The following EMC1 variants were observed in gnomAD, a reference collection of about 807,000 sequenced individuals.
The protein encoded by EMC1 is ER membrane protein complex subunit 1.
EMC1 carries 103 observed loss-of-function variants against 128.8 expected under a neutral mutation model. That is an observed-to-expected ratio of 0.80 (90% CI 0.68 to 0.94). The LOEUF (loss-of-function observed/expected upper bound fraction) is 0.94. Among genes scored for constraint, EMC1 ranks in the 40% least tolerant of loss-of-function variants. The probability of loss-of-function intolerance (pLI) is 0.00; values close to 1 mark genes in which losing one functional copy is unlikely to be tolerated. For synonymous variants in EMC1, 442 were observed against 490.4 expected (o/e 0.90, Z 1.30); for missense variants, 1,083 against 1,250.6 (o/e 0.87, Z 2.02).
Position 19,217,262 on chromosome 1 carries a change from A to G in EMC1, c.*2041T>C, listed in dbSNP as rs2093401996. ...GGCATTAGCATTAACTATTTTAAGC[A>G]CTTGGCCAAGCTCGGTGGCTCACAC... On this transcript the variant is annotated 3_prime_UTR_variant, in exon 23 of 23. Transcript: ENST00000477853. 6.6e-6 allele frequency: 1 copy of G among 152,192 alleles called. No homozygotes were observed. The allele number at this position is 152,192 out of a possible 1,614,324, so 9.4% of individuals were successfully genotyped here. A position where few individuals can be genotyped will look rare whatever the true frequency, so the allele number is the denominator to read the frequency against.
intron 12 of EMC1, among the ~76,000 whole-genome samples, chr1:19,236,581 G>C (rs1291442935): frequency 1.3e-5 from 2 of 150,886 alleles, no homozygotes; most frequent in Non-Finnish European, 2.9e-5. Context: ...ACTTAAACCT[G>C]GGAGGCAGAG....
chr1:19,221,131 T>G, intron 20 of EMC1: 1 of 245,830 alleles, frequency 4.1e-6, no homozygotes, highest in Non-Finnish European at 7.9e-6. Context: ...AGAAGGCCAC[T>G]TGGATTTCCT....
At chr1:19,229,678 T>C (rs1202300079) in intron 17 of EMC1, among the ~76,000 whole-genome samples, 1 of 152,232 alleles carries the variant, frequency 6.6e-6, no homozygotes, top group Non-Finnish European at 1.5e-5. Context: ...CAGTGCTGTT[T>C]ATGCTAAGGT....
intron 18 of EMC1, among the ~76,000 whole-genome samples, chr1:19,225,352 A>G (rs1394511163): frequency 7.9e-5 from 12 of 152,146 alleles, no homozygotes; most frequent in Admixed American, 7.9e-4. Flanking sequence ...CCCCATCTCT[A>G]AAGAAAATAA....
rs753885274 is a variant in EMC1 at position 19,219,288 on chromosome 1, C to A, written c.*15G>T. 1 of 1,613,832 alleles carries A rather than the reference C, an allele frequency of 6.2e-7. No homozygotes were observed. Among genetic ancestry groups the A allele is most frequent in the Non-Finnish European group, 8.5e-7 (1 of 1,179,906 alleles). On this transcript the variant is annotated 3_prime_UTR_variant, in exon 23 of 23. Coordinates refer to ENST00000477853, the MANE Select transcript of EMC1 (RefSeq NM_015047.3). ...ACTCCCCTGGCTCTCCACTTTTAGG[C>A]ACAGTCTTTGTTCTTTATCGCCAGG...
chr1:19,233,757 C>G (rs987580992), intron 13 of EMC1, among the ~76,000 whole-genome samples: 1 of 152,220 alleles, frequency 6.6e-6, no homozygotes, highest in Non-Finnish European at 1.5e-5. Context: ...AGAGCATGGT[C>G]TCTGGAATCT....
At chr1:19,219,539 TGAAA>T (rs1273685059) in intron 22 of EMC1, 26 bp downstream of exon 22, 4 of 1,613,366 alleles carry the variant, frequency 2.5e-6, no homozygotes, top group Admixed American at 1.7e-5. Context: ...CCACCAAGGG[TGAAA>T]TAGGGCAGCT....
At chr1:19,234,098 A>G in intron 13 of EMC1, 3 of 777,094 alleles carry the variant, frequency 3.9e-6, no homozygotes, top group Non-Finnish European at 4.7e-6. Context: ...TCATTGGTCC[A>G]AGTTAGGAAG....
intron 5 of EMC1, among the ~76,000 whole-genome samples, chr1:19,241,696 T>C (rs1449052958): frequency 1.3e-5 from 2 of 151,950 alleles, no homozygotes; most frequent in Admixed American, 6.6e-5. Flanking sequence ...TTTGTACTTT[T>C]TGTAGAGATG....
rs1278676397 is a variant in EMC1 at position 19,245,874 on chromosome 1, G to A, written c.96-844C>T. Among the ~76,000 whole-genome samples, 13 of 151,280 alleles carry A rather than the reference G, an allele frequency of 8.6e-5. No homozygotes were observed. The East Asian group carries it at 1.2e-3, about 14-fold the overall frequency. On this transcript the variant is annotated intron_variant, in intron 1 of 22. Transcript: ENST00000477853. ...ACTCCTGACCTCAACTGACCCACCC[G>A]CCTCGGCCTTCCAAAGTGTTGGGAT...
intron 13 of EMC1, among the ~76,000 whole-genome samples, chr1:19,233,973 C>T (rs1016987783): frequency 6.6e-6 from 1 of 152,106 alleles, no homozygotes; most frequent in African/African-American, 2.4e-5. Flanking sequence ...GGAGCAGAAC[C>T]TCTGCTTATC....
intron 15 of EMC1, 125 bp from the exon 16 acceptor site, chr1:19,231,547 G>A: frequency 2.0e-6 from 2 of 1,013,748 alleles, no homozygotes; most frequent in Non-Finnish European, 2.8e-6. Flanking sequence ...CCTCTTTGTG[G>A]AAAATAAGTT....
intron 5 of EMC1, 46 bp downstream of exon 5, chr1:19,242,299 A>C: frequency 6.2e-7 from 1 of 1,609,188 alleles, no homozygotes; most frequent in Non-Finnish European, 8.5e-7. Context: ...AGGAGCTCCT[A>C]GAGAGTAGAA....
In EMC1 at chr1:19,234,148, C is replaced by T. The variant is rs1052294777; in HGVS notation, c.1432+982G>A. ...AAAAGCTAGCCATGTGAGCAGGCAACGAGCAACAAGGCAGCAAGAAGCAGG... is the reference window on the plus strand; with the variant it reads ...AAAAGCTAGCCATGTGAGCAGGCAATGAGCAACAAGGCAGCAAGAAGCAGG... On this transcript the variant is annotated intron_variant, in intron 13 of 22. Transcript: ENST00000477853. The T allele has an allele frequency of 5.7e-5, 56 of 983,876 alleles. No individual in the cohort carries two copies. In the African/African-American group the frequency reaches 8.7e-4, roughly 15 times the overall value. 60.9% of individuals were successfully genotyped at this position (983,876 alleles called of 1,614,324 possible).
chr1:19,244,610 C>G (rs2093623354), intron 2 of EMC1: 1 of 298,992 alleles, frequency 3.3e-6, no homozygotes, highest in African/African-American at 2.2e-5. Context: ...TCACTGTGAT[C>G]CCCAGGCTGG....
chr1:19,249,001 T>G (rs2093644649), intron 1 of EMC1, among the ~76,000 whole-genome samples: 1 of 152,124 alleles, frequency 6.6e-6, no homozygotes, highest in South Asian at 2.1e-4. Context: ...AATATCTGCC[T>G]GGGGAACATA....
intron 6 of EMC1, 80 bp downstream of exon 6, chr1:19,240,936 C>A: frequency 6.5e-7 from 1 of 1,526,824 alleles, no homozygotes; most frequent in South Asian, 1.2e-5. Flanking sequence ...CAGCCAAGTT[C>A]CCTGTTCCCC....
At chr1:19,248,233 T>C (rs1439686556) in intron 1 of EMC1, among the ~76,000 whole-genome samples, 1 of 152,122 alleles carries the variant, frequency 6.6e-6, no homozygotes, top group Non-Finnish European at 1.5e-5. Flanking sequence ...GCTCTTACTC[T>C]GTCACCCAGA....
chr1:19,242,747 AC>A (rs1446840331), intron 4 of EMC1, among the ~76,000 whole-genome samples: 1 of 152,086 alleles, frequency 6.6e-6, no homozygotes, highest in East Asian at 1.9e-4. Flanking sequence ...AACTGGACCT[AC>A]CCTCTGCCAC....
Sources: gnomAD v4.1 joint callset for allele counts (sites outside exome capture counted in the v4.1 genomes callset) on GRCh38, gnomAD v4.1.1 for gene constraint, MANE v1.5 for transcripts, NCBI Gene and HGNC (gene_info 2026-07-23, HGNC 2026-07-21) for gene names.